Variants in CREBBP observed in about 807,000 individuals in gnomAD.
The protein encoded by CREBBP is CREB binding lysine acetyltransferase.
CREBBP carries 19 observed loss-of-function variants against 265.0 expected under a neutral mutation model. The ratio of observed to expected loss-of-function variants is 0.07; its 90% confidence interval spans 0.05 to 0.11. The LOEUF is 0.11. Ranked by LOEUF, CREBBP falls within the 10% of genes least tolerant of loss-of-function variation. The pLI is 1.00. For synonymous variants in CREBBP, 1,457 were observed against 1,223.7 expected, an observed-to-expected ratio of 1.19 and a Z score of -3.98; for missense variants, 2,525 against 3,219.0, an observed-to-expected ratio of 0.78 and a Z score of 5.22.
At chr16:3,758,803 C>T in intron 17 of CREBBP, 51 bp downstream of exon 17, 2 of 1,343,572 alleles carry the variant, frequency 1.5e-6, no homozygotes, top group Non-Finnish European at 2.1e-6. Flanking sequence ...ACAATGGACA[C>T]TCAGAAGTCA....
intron 1 of CREBBP, among the ~76,000 whole-genome samples, chr16:3,862,408 G>C (rs1020767518): frequency 6.6e-6 from 1 of 152,072 alleles, no homozygotes; most frequent in Non-Finnish European, 1.5e-5. Context: ...CGGTAGGCAG[G>C]CTTGCTCTGT....
intron 15 of CREBBP, among the ~76,000 whole-genome samples, chr16:3,768,145 T>G (rs968838826): frequency 1.9e-5 from 2 of 102,828 alleles, no homozygotes; most frequent in Non-Finnish European, 3.7e-5. Flanking sequence ...TGTTTTTTTT[T>G]TTTTTTTTTT....
At chr16:3,730,021 C>A in intron 30 of CREBBP, 147 bp from the exon 31 acceptor site, 1 of 1,354,408 alleles carries the variant, frequency 7.4e-7, no homozygotes, top group Non-Finnish European at 1.0e-6. Context: ...CGAGCACGGA[C>A]AGGTGGGAGA....
chr16:3,851,588 C>T (rs1336157114), intron 1 of CREBBP, among the ~76,000 whole-genome samples: 1 of 152,054 alleles, frequency 6.6e-6, no homozygotes, highest in African/African-American at 2.4e-5. Flanking sequence ...GGCATGGTGG[C>T]TCAAGCCTGT....
At chr16:3,749,079 G>A (rs543859494) in intron 21 of CREBBP, among the ~76,000 whole-genome samples, 4 of 152,302 alleles carry the variant, frequency 2.6e-5, no homozygotes, top group South Asian at 2.1e-4. Flanking sequence ...CCCGGGAGGC[G>A]GAGCCTGCAG....
intron 1 of CREBBP, among the ~76,000 whole-genome samples, chr16:3,868,722 C>G (rs980935314): frequency 2.6e-5 from 4 of 152,210 alleles, no homozygotes; most frequent in East Asian, 1.9e-4. Context: ...AGTCAGACAT[C>G]GAGCTGAGTG....
In CREBBP at chr16:3,753,581, T is replaced by C. The variant is rs129983; in HGVS notation, c.3699-1775A>G. ...ATTTTTTTTTTCCCTGAATGAACTA[T>C]AGCAATATTCTGGCCATTCACTATT... On this transcript the variant is annotated intron_variant, in intron 19 of 30. Transcript: ENST00000262367. Among the ~76,000 whole-genome samples, 44 of 152,292 alleles carry C rather than the reference T, an allele frequency of 2.9e-4. 1 individual carries two copies. The highest frequency in any genetic ancestry group is 3.4e-3 in the Middle Eastern group (1 of 294).
intron 1 of CREBBP, 113 bp from the exon 2 acceptor site, chr16:3,851,122 T>C (rs2054824851): frequency 1.2e-6 from 1 of 862,322 alleles, no homozygotes; most frequent in African/African-American, 1.7e-5. Context: ...CACTAGCATG[T>C]CTTAAGAGTC....
chr16:3,768,706 T>A lies in CREBBP; in HGVS notation c.3060+468A>T, dbSNP rs180717905. ...AGGCACAATGCTGAAAGCATCTCAT[T>A]TTTCAAGAAAAGCCAGAAATCTAGA... On this transcript the variant is annotated intron_variant, in intron 15 of 30. Coordinates refer to ENST00000262367, the MANE Select transcript of CREBBP (RefSeq NM_004380.3). Among the ~76,000 whole-genome samples, 115 of 152,300 alleles carry A rather than the reference T, an allele frequency of 7.6e-4. 3 individuals are homozygous for A. In the South Asian group the frequency reaches 0.012, roughly 16 times the overall value.
At chr16:3,776,040 C>T (rs1422243162) in intron 11 of CREBBP, among the ~76,000 whole-genome samples, 1 of 152,164 alleles carries the variant, frequency 6.6e-6, no homozygotes, top group Non-Finnish European at 1.5e-5. Flanking sequence ...CCTCAGCCTC[C>T]CGCGTAGCTG....
At chr16:3,759,276 A>T (rs985464838) in intron 16 of CREBBP, among the ~76,000 whole-genome samples, 6 of 152,162 alleles carry the variant, frequency 3.9e-5, no homozygotes, top group Non-Finnish European at 8.8e-5. Context: ...TGTCTCATTC[A>T]TCAAACTGGG....
At chr16:3,842,503 C>T (rs1205647784) in intron 2 of CREBBP, among the ~76,000 whole-genome samples, 1 of 152,128 alleles carries the variant, frequency 6.6e-6, no homozygotes, top group African/African-American at 2.4e-5. Context: ...AGTTTTGCTA[C>T]TGTTGAAATA....
chr16:3,799,543 A>T (rs2053672384), intron 3 of CREBBP, among the ~76,000 whole-genome samples: 1 of 152,216 alleles, frequency 6.6e-6, no homozygotes, highest in Non-Finnish European at 1.5e-5. Context: ...TTTGACAGTA[A>T]CTCCACTTCT....
intron 2 of CREBBP, among the ~76,000 whole-genome samples, chr16:3,818,382 A>ACTGCAACCTCT (rs1349629609): frequency 7.2e-6 from 1 of 138,900 alleles, no homozygotes; most frequent in Admixed American, 8.4e-5. Context: ...GTCCCAGCTC[A>ACTGCAACCTCT]CTGCAACCTC....
At chr16:3,821,276 G>A (rs1022991815) in intron 2 of CREBBP, among the ~76,000 whole-genome samples, 6 of 152,138 alleles carry the variant, frequency 3.9e-5, no homozygotes, top group East Asian at 1.9e-4. Context: ...GTTGCTACTC[G>A]CAGTGAGTGA....
intron 26 of CREBBP, among the ~76,000 whole-genome samples, chr16:3,737,479 G>C (rs1040061131): frequency 4.0e-5 from 6 of 151,472 alleles, no homozygotes; most frequent in Non-Finnish European, 8.8e-5. Context: ...GCGGGCGGGG[G>C]GCAGAGTTTC....
At chr16:3,823,891 G>A (rs778507074) in intron 2 of CREBBP, among the ~76,000 whole-genome samples, 5 of 151,808 alleles carry the variant, frequency 3.3e-5, no homozygotes, top group Admixed American at 6.6e-5. Flanking sequence ...GTTGCCACCC[G>A]CCCCTAGCTC....
intron 1 of CREBBP, among the ~76,000 whole-genome samples, chr16:3,866,707 T>G (rs925282755): frequency 1.3e-5 from 2 of 151,958 alleles, no homozygotes; most frequent in African/African-American, 4.8e-5. Context: ...CCCCAAAACA[T>G]CTCTAGCTCA....
intron 1 of CREBBP, among the ~76,000 whole-genome samples, chr16:3,866,141 A>C (rs1268256014): frequency 1.3e-5 from 2 of 152,232 alleles, no homozygotes; most frequent in East Asian, 3.8e-4. Context: ...AAGGCTAGAA[A>C]AGAAAAGGGC....
Sources: gnomAD v4.1 joint callset for allele counts (sites outside exome capture counted in the v4.1 genomes callset) on GRCh38, gnomAD v4.1.1 for gene constraint, MANE v1.5 for transcripts, NCBI Gene and HGNC (gene_info 2026-07-23, HGNC 2026-07-21) for gene names.